The following TAFA1 variants were observed in gnomAD, a reference collection of about 807,000 sequenced individuals.
TAFA1 encodes TAFA chemokine like family member 1.
A neutral mutation model predicts 18.5 loss-of-function variants in TAFA1; 4 were observed. The observed-to-expected ratio is 0.22, with a 90% CI of 0.11 to 0.49. The LOEUF is 0.49. Among genes scored for constraint, TAFA1 ranks in the 20% least tolerant of loss-of-function variants. The pLI is 0.98. For synonymous variants in TAFA1, 56 were observed against 55.2 expected (o/e 1.01, Z -0.06); for missense variants, 147 against 169.0 (o/e 0.87, Z 0.72).
chr3:68,429,892 CA>C (rs2071135432), intron 3 of TAFA1, among the ~76,000 whole-genome samples: 1 of 151,910 alleles, frequency 6.6e-6, no homozygotes, highest in African/African-American at 2.4e-5. Context: ...TCTCATAACT[CA>C]CTGTAATGTA....
chr3:68,100,367 C>T (rs2065134061), intron 2 of TAFA1, among the ~76,000 whole-genome samples: 1 of 152,044 alleles, frequency 6.6e-6, no homozygotes, highest in Non-Finnish European at 1.5e-5. Context: ...GCCTGTAATG[C>T]TGGCTACTTG....
chr3:68,035,446 C>T (rs1705026002), intron 2 of TAFA1, among the ~76,000 whole-genome samples: 1 of 152,078 alleles, frequency 6.6e-6, no homozygotes, highest in South Asian at 2.1e-4. Flanking sequence ...TATTTTATAA[C>T]ATTATACATG....
Position 68,062,465 on chromosome 3 carries a change from A to C in TAFA1, c.118+55721A>C, listed in dbSNP as rs1453265713. On this transcript the variant is annotated intron_variant, in intron 2 of 4. Transcript: ENST00000478136. ...AAGACTAGTTCATGACTTCTGGAGAATAATTTATTCTTGGGAAAGTGAACA... is the reference window on the plus strand; with the variant it reads ...AAGACTAGTTCATGACTTCTGGAGACTAATTTATTCTTGGGAAAGTGAACA... 5.3e-5 allele frequency among the ~76,000 whole-genome samples: 8 copies of C among 152,342 alleles called. No individual in the cohort carries two copies. In the East Asian group the frequency reaches 1.5e-3, roughly 29 times the overall value.
At chr3:68,435,791 C>T (rs1443812124) in intron 3 of TAFA1, among the ~76,000 whole-genome samples, 1 of 152,164 alleles carries the variant, frequency 6.6e-6, no homozygotes, top group Non-Finnish European at 1.5e-5. Context: ...GTTCATTCTA[C>T]TTATGCAGAA....
At chr3:68,332,834 T>C (rs916430325) in intron 2 of TAFA1, among the ~76,000 whole-genome samples, 1 of 152,324 alleles carries the variant, frequency 6.6e-6, no homozygotes, top group Admixed American at 6.5e-5. Context: ...AGAGCCATTA[T>C]GGAAAACAGT....
chr3:68,284,587 T>C (rs138719696), intron 2 of TAFA1, among the ~76,000 whole-genome samples: 6 of 152,168 alleles, frequency 3.9e-5, no homozygotes, highest in Non-Finnish European at 8.8e-5. Context: ...GGAGAATGGG[T>C]AGAAATGAAC....
chr3:68,287,595 A>G (rs147806767), intron 2 of TAFA1, among the ~76,000 whole-genome samples: 6 of 152,172 alleles, frequency 3.9e-5, no homozygotes, highest in Middle Eastern at 3.4e-3. Flanking sequence ...CTTCAGTCCT[A>G]CTGACCTCAG....
At chr3:68,132,892 T>C (rs2106885243) in intron 2 of TAFA1, among the ~76,000 whole-genome samples, 1 of 152,352 alleles carries the variant, frequency 6.6e-6, no homozygotes, top group African/African-American at 2.4e-5. Context: ...AGATCCCATT[T>C]GTCAATTTTG....
intron 3 of TAFA1, among the ~76,000 whole-genome samples, chr3:68,469,670 C>G (rs1296865328): frequency 6.6e-6 from 1 of 152,058 alleles, no homozygotes; most frequent in African/African-American, 2.4e-5. Flanking sequence ...GAGACTCTGT[C>G]TCAAAAAAGA....
chr3:68,420,677 C>T (rs2070937544), intron 3 of TAFA1, among the ~76,000 whole-genome samples: 1 of 152,156 alleles, frequency 6.6e-6, no homozygotes, highest in Admixed American at 6.6e-5. Context: ...CTACTGATAC[C>T]TAGTGGGTAG....
intron 2 of TAFA1, among the ~76,000 whole-genome samples, chr3:68,017,476 T>A (rs1172204703): frequency 2.0e-5 from 3 of 152,194 alleles, no homozygotes; most frequent in African/African-American, 7.2e-5. Flanking sequence ...TCTTTTTCAA[T>A]CTTTCTCCAG....
chr3:68,073,062 C>T (rs1031709287), intron 2 of TAFA1, among the ~76,000 whole-genome samples: 1 of 152,142 alleles, frequency 6.6e-6, no homozygotes, highest in African/African-American at 2.4e-5. Context: ...CAATGACATG[C>T]ATTTAAATTC....
intron 2 of TAFA1, among the ~76,000 whole-genome samples, chr3:68,358,747 C>G (rs751340534): frequency 7.2e-5 from 11 of 151,906 alleles, no homozygotes; most frequent in Admixed American, 3.9e-4. Context: ...TTCAGGATGA[C>G]AGAGCCTATG....
chr3:68,495,998 CAAA>C (rs199520960), intron 3 of TAFA1, among the ~76,000 whole-genome samples: 5,902 of 103,972 alleles, frequency 0.057, 19 homozygotes, highest in Non-Finnish European at 0.077. Context: ...TTCCCTGAAG[CAAA>C]AAAAAAAAAA....
chr3:68,009,187 A>G (rs1394540256), intron 2 of TAFA1, among the ~76,000 whole-genome samples: 2 of 152,146 alleles, frequency 1.3e-5, no homozygotes, highest in African/African-American at 2.4e-5. Context: ...TACCAATGCT[A>G]TGTGTCTTAT....
intron 2 of TAFA1, among the ~76,000 whole-genome samples, chr3:68,378,714 G>A (rs1014102170): frequency 1.3e-5 from 2 of 152,194 alleles, no homozygotes; most frequent in African/African-American, 2.4e-5. Flanking sequence ...ATTCCCACGT[G>A]TTGAGGGAGG....
chr3:68,042,151 T>G (rs191536121), intron 2 of TAFA1, among the ~76,000 whole-genome samples: 1 of 152,246 alleles, frequency 6.6e-6, no homozygotes, highest in Admixed American at 6.5e-5. Flanking sequence ...CCACTTTCAG[T>G]TTTTTCCTAC....
intron 2 of TAFA1, among the ~76,000 whole-genome samples, chr3:68,365,188 A>G (rs551537900): frequency 2.0e-5 from 3 of 152,182 alleles, no homozygotes; most frequent in African/African-American, 7.2e-5. Flanking sequence ...ACTGAGGTCC[A>G]TTTTGCAGAT....
At chr3:68,499,650 A>G (rs1343369673) in intron 3 of TAFA1, among the ~76,000 whole-genome samples, 1 of 151,856 alleles carries the variant, frequency 6.6e-6, no homozygotes, top group Admixed American at 6.6e-5. Flanking sequence ...AACACATTTT[A>G]AAGTTCTAGT....
Sources: allele counts gnomAD v4.1 joint callset (sites outside exome capture counted in the v4.1 genomes callset), GRCh38; gene constraint gnomAD v4.1.1; transcripts MANE v1.5; gene names NCBI Gene and HGNC (gene_info 2026-07-23, HGNC 2026-07-21).